Variants in GTPBP4 observed in about 807,000 individuals in gnomAD.
The protein encoded by GTPBP4 is GTP binding protein 4.
In GTPBP4, 15 loss-of-function variants were observed where a neutral mutation model predicts 81.7. The observed-to-expected ratio is 0.18, with a 90% CI of 0.12 to 0.28. GTPBP4 has a LOEUF of 0.28. Ranked by LOEUF, GTPBP4 falls within the 10% of genes least tolerant of loss-of-function variation. The pLI is 1.00. For synonymous variants in GTPBP4, 272 were observed against 274.6 expected (o/e 0.99, Z 0.09); for missense variants, 847 against 793.8 (o/e 1.07, Z -0.81).
rs1444339517 is a variant in GTPBP4, at chr10:988,729, C to G, written c.48+202C>G. 1.5e-5 allele frequency: 9 copies of G among 589,158 alleles called. No individual in the cohort carries two copies. In the East Asian group the frequency reaches 2.0e-4, roughly 13 times the overall value. The allele number at this position is 589,158 out of a possible 1,614,324, so 36.5% of individuals were successfully genotyped here. On this transcript the variant is annotated intron_variant, in intron 1 of 16. Coordinates refer to ENST00000360803, the MANE Select transcript of GTPBP4 (RefSeq NM_012341.3). ...CGGGGTCCACCAGAGATCGGATCCC[C>G]CAGAGACCGGGGTCCACCTAAGACC...
At chr10:1,013,831 G>A (rs1274941527) in intron 14 of GTPBP4, among the ~76,000 whole-genome samples, 3 of 152,226 alleles carry the variant, frequency 2.0e-5, no homozygotes, top group South Asian at 2.1e-4. Flanking sequence ...ATGGTGGCAA[G>A]TGACTGGTTA....
At chr10:1,004,455 A>G (rs1161122363) in intron 8 of GTPBP4, among the ~76,000 whole-genome samples, 1 of 152,016 alleles carries the variant, frequency 6.6e-6, no homozygotes, top group Non-Finnish European at 1.5e-5. Context: ...TGTGGAGTAC[A>G]ATGTCAGCTC....
At position 1,012,511 on chromosome 10, in the gene GTPBP4, G is replaced by A. The variant is rs1831896689; in HGVS notation, c.1391G>A (p.Gly464Glu). The A allele has an allele frequency of 6.2e-7, 1 of 1,613,284 alleles. No individual in the cohort carries two copies. Among genetic ancestry groups the A allele is most frequent in the African/African-American group, 1.3e-5 (1 of 75,036 alleles). ...EKEEELRTAA[G>E]EYDSVSESED... The stretch of plus-strand genomic sequence containing the variant: ...GAAGAAGAGCTGAGAACAGCTGCTG[G>A]AGAGTATGACAGTGTATCTGAGAGT... The change falls in exon 14 of 17, where the codon GGA becomes GAA. Residue 464 changes from glycine (G) to glutamate (E), a missense_variant. This residue lies in a region of GTPBP4 where 600 missense variants were observed against 557.1 expected (regional missense o/e 1.08). Transcript: ENST00000360803.
At chr10:1,003,548 T>C (rs1371051433) in intron 8 of GTPBP4, among the ~76,000 whole-genome samples, 1 of 152,210 alleles carries the variant, frequency 6.6e-6, no homozygotes, top group Non-Finnish European at 1.5e-5. Flanking sequence ...CTAGAGTGGC[T>C]TTCATGGAGA....
intron 8 of GTPBP4, 63 bp from the exon 9 acceptor site, chr10:1,005,755 A>C (rs1363565317): frequency 3.3e-6 from 3 of 914,958 alleles, no homozygotes; most frequent in African/African-American, 1.6e-5. Flanking sequence ...AGAACTGTAC[A>C]GTTTGTTCCA....
chr10:1,017,368 A>G lies in GTPBP4; in HGVS notation c.*141A>G, dbSNP rs1832012003. The G allele has an allele frequency of 1.3e-6, 1 of 795,190 alleles. No homozygotes were observed. The highest frequency in any genetic ancestry group is 2.0e-6 in the Non-Finnish European group (1 of 493,202). The allele number at this position is 795,190 out of a possible 1,614,324, so 49.3% of individuals were successfully genotyped here. A position where few individuals can be genotyped will look rare whatever the true frequency, so the allele number is the denominator to read the frequency against. On this transcript the variant is annotated 3_prime_UTR_variant, in exon 17 of 17. Transcript: ENST00000360803. ...AGCACTTGTTGCTTTGCTGAAAACT[A>G]TGGTTAACCCTATATAGGTGTGGGA...
At chr10:992,031 A>G (rs1831453571) in intron 1 of GTPBP4, among the ~76,000 whole-genome samples, 1 of 151,446 alleles carries the variant, frequency 6.6e-6, no homozygotes, top group South Asian at 2.1e-4. Flanking sequence ...TTTCAAGATG[A>G]ACAAGGTTGT....
chr10:1,011,358 A>C (rs1332390827), intron 13 of GTPBP4, among the ~76,000 whole-genome samples: 1 of 152,046 alleles, frequency 6.6e-6, no homozygotes, highest in Non-Finnish European at 1.5e-5. Context: ...AAAAAACGAA[A>C]ACATCCTTAG....
At chr10:990,887 A>G (rs1831429932) in intron 1 of GTPBP4, among the ~76,000 whole-genome samples, 1 of 151,652 alleles carries the variant, frequency 6.6e-6, no homozygotes, top group Non-Finnish European at 1.5e-5. Context: ...TGAAGTAGGT[A>G]ACCTTTGACT....
chr10:1,015,013 T>C (rs1240248288), intron 15 of GTPBP4, among the ~76,000 whole-genome samples: 1 of 152,228 alleles, frequency 6.6e-6, no homozygotes, highest in African/African-American at 2.4e-5. Context: ...TCCCTTTGTG[T>C]TCATATCAGT....
rs370768438 is a variant in GTPBP4, at chr10:1,000,669, T to C, written c.655-8T>C. 10 of 1,493,782 alleles carry C rather than the reference T, an allele frequency of 6.7e-6. No individual in the cohort carries two copies. In the African/African-American group the frequency reaches 1.4e-4, roughly 21 times the overall value. The allele number at this position is 1,493,782 out of a possible 1,614,324, so 92.5% of individuals were successfully genotyped here. On this transcript the variant is annotated splice_region_variant and splice_polypyrimidine_tract_variant and intron_variant, in intron 6 of 16. Transcript: ENST00000360803. ...TGTGCTTTCAGTGACAAGGTCTGGC[T>C]GTGTTAGGTTGTAGACACTCCTGGG...
chr10:1,010,340 G>C, intron 12 of GTPBP4, 80 bp from the exon 13 acceptor site: 2 of 743,222 alleles, frequency 2.7e-6, no homozygotes, highest in Non-Finnish European at 4.8e-6. Flanking sequence ...TTTGCCGTCA[G>C]TCACAACTCA....
chr10:1,006,641 A>C (rs1831741580), intron 9 of GTPBP4, among the ~76,000 whole-genome samples: 1 of 152,196 alleles, frequency 6.6e-6, no homozygotes, highest in South Asian at 2.1e-4. Context: ...ACCATCTCAA[A>C]AAAAAAGATG....
chr10:998,924 A>G, intron 5 of GTPBP4, 79 bp from the exon 6 acceptor site: 1 of 812,442 alleles, frequency 1.2e-6, no homozygotes, highest in Non-Finnish European at 2.2e-6. Flanking sequence ...CCTACCCAAA[A>G]TCAGTCTTGT....
At chr10:1,007,701 C>T (rs1831769598) in intron 10 of GTPBP4, among the ~76,000 whole-genome samples, 1 of 152,206 alleles carries the variant, frequency 6.6e-6, no homozygotes, top group African/African-American at 2.4e-5. Context: ...CGTTCCTGTC[C>T]CACAGACGCC....
intron 13 of GTPBP4, among the ~76,000 whole-genome samples, chr10:1,011,719 G>A (rs376007822): frequency 5.3e-5 from 8 of 152,302 alleles, no homozygotes; most frequent in East Asian, 1.9e-4. Context: ...TCTCAATTTC[G>A]TTGGTGCTGG....
intron 5 of GTPBP4, among the ~76,000 whole-genome samples, chr10:998,043 T>C (rs11253558): frequency 0.12 from 18,905 of 152,260 alleles, 1,585 homozygotes; most frequent in Non-Finnish European, 0.19. Context: ...TTTTATGGCT[T>C]ACTCAGTGCC....
intron 16 of GTPBP4, among the ~76,000 whole-genome samples, chr10:1,016,718 C>CA (rs1456413061): frequency 6.6e-6 from 1 of 152,218 alleles, no homozygotes; most frequent in Non-Finnish European, 1.5e-5. Context: ...GTATGATTTT[C>CA]ATCCAGTCTT....
chr10:997,345 C>G, intron 5 of GTPBP4, 37 bp downstream of exon 5: 1 of 1,092,870 alleles, frequency 9.2e-7, no homozygotes, highest in Non-Finnish European at 1.4e-6. Context: ...AATCATCTGA[C>G]TATTTTACGT....
Sources: allele counts gnomAD v4.1 joint callset (sites outside exome capture counted in the v4.1 genomes callset), GRCh38; gene constraint gnomAD v4.1.1; regional missense constraint gnomAD v4.1.1; transcripts MANE v1.5; gene names NCBI Gene and HGNC (gene_info 2026-07-23, HGNC 2026-07-21).